The following HSD17B12 variants were observed in gnomAD, a reference collection of about 807,000 sequenced individuals.
HSD17B12 encodes hydroxysteroid 17-beta dehydrogenase 12.
In HSD17B12, 32 loss-of-function variants were observed where a neutral mutation model predicts 39.3. The ratio of observed to expected loss-of-function variants is 0.81; its 90% CI spans 0.61 to 1.09. The LOEUF is 1.09. Ranked by LOEUF, HSD17B12 falls within the 50% of genes least tolerant of loss-of-function variation. The probability of loss-of-function intolerance (pLI) is 0.00; values close to 1 mark genes in which losing one functional copy is unlikely to be tolerated. For missense variants in HSD17B12, 342 were observed against 382.9 expected (o/e 0.89, Z 0.89); for synonymous variants, 150 against 146.7 (o/e 1.02, Z -0.16).
intron 1 of HSD17B12, among the ~76,000 whole-genome samples, chr11:43,716,724 T>C (rs1036589023): frequency 1.4e-5 from 2 of 144,086 alleles, no homozygotes; most frequent in Non-Finnish European, 3.0e-5. Context: ...TATTGTATTA[T>C]ATATTATATA....
At chr11:43,826,055 T>C (rs749052894) in intron 6 of HSD17B12, among the ~76,000 whole-genome samples, 1 of 151,626 alleles carries the variant, frequency 6.6e-6, no homozygotes, top group Non-Finnish European at 1.5e-5. Flanking sequence ...AAACTGTGTA[T>C]GATTGTATAT....
At chr11:43,734,320 G>A (rs1950296696) in intron 1 of HSD17B12, 3 of 1,079,448 alleles carry the variant, frequency 2.8e-6, no homozygotes, top group Non-Finnish European at 4.3e-6. Context: ...AGGTGGCTCA[G>A]CAGGAAGCAG....
the HSD17B12 span, among the ~76,000 whole-genome samples, chr11:43,586,945 T>C: frequency 6.6e-6 from 1 of 152,166 alleles, no homozygotes; most frequent in African/African-American, 2.4e-5. Flanking sequence ...ATAAGATTCA[T>C]TTCTCTGCTT....
At chr11:43,811,493 G>C (rs573650754) in intron 4 of HSD17B12, among the ~76,000 whole-genome samples, 1 of 152,190 alleles carries the variant, frequency 6.6e-6, no homozygotes, top group Admixed American at 6.5e-5. Flanking sequence ...TTTATTGTGT[G>C]TACTTTTATT....
the HSD17B12 span, among the ~76,000 whole-genome samples, chr11:43,647,338 T>G: frequency 0.01 from 1,523 of 152,212 alleles, 16 homozygotes; most frequent in Non-Finnish European, 0.017. Flanking sequence ...TGCAGTGGTG[T>G]GATCATAGCT....
At chr11:43,649,432 T>C in the HSD17B12 span, among the ~76,000 whole-genome samples, 3 of 152,196 alleles carry the variant, frequency 2.0e-5, no homozygotes, top group Non-Finnish European at 4.4e-5. Flanking sequence ...ATTCTTCTAC[T>C]TGAGGTAGAA....
chr11:43,627,069 C>A, the HSD17B12 span, among the ~76,000 whole-genome samples: 3 of 151,932 alleles, frequency 2.0e-5, no homozygotes, highest in Non-Finnish European at 2.9e-5. Context: ...GATAACATAG[C>A]CCTTTTCATT....
chr11:43,626,470 T>G, the HSD17B12 span, among the ~76,000 whole-genome samples: 1 of 151,878 alleles, frequency 6.6e-6, no homozygotes, highest in Non-Finnish European at 1.5e-5. Flanking sequence ...AAAATGCCAA[T>G]AAAAATAATG....
chr11:43,798,409 C>G lies in HSD17B12; in HGVS notation c.373C>G (p.Leu125Val), dbSNP rs759042393. 2 of 1,609,004 alleles carry G rather than the reference C, an allele frequency of 1.2e-6. No homozygotes were observed. Among genetic ancestry groups the G allele is most frequent in the Non-Finnish European group, 1.7e-6 (2 of 1,176,536 alleles). The change falls in exon 4 of 11, where the codon CTT becomes GTT. Residue 125 changes from leucine (L) to valine (V), a missense_variant. Leu to Val is a conservative substitution (Grantham distance 32). Transcript: ENST00000278353. ...YDKIKTGLAG[L>V]EIGILVNNVG... ...TAAAATTAAAACAGGCTTGGCTGGT[C>G]TTGAAATCGGCATCTTAGGTTTGTA...
At chr11:43,596,240 C>T in the HSD17B12 span, among the ~76,000 whole-genome samples, 3 of 152,104 alleles carry the variant, frequency 2.0e-5, no homozygotes, top group South Asian at 6.2e-4. Flanking sequence ...TGAGAGGCAC[C>T]ATCTTGCCTA....
chr11:43,683,420 A>G (rs749353854), intron 1 of HSD17B12, among the ~76,000 whole-genome samples: 18 of 152,134 alleles, frequency 1.2e-4, no homozygotes, highest in Non-Finnish European at 2.2e-4. Flanking sequence ...CTTAAGCAGA[A>G]GAAGTGATCT....
chr11:43,573,729 A>G, the HSD17B12 span, among the ~76,000 whole-genome samples: 2 of 152,240 alleles, frequency 1.3e-5, no homozygotes, highest in Non-Finnish European at 2.9e-5. Flanking sequence ...TAGTTTCAAT[A>G]GTCCAAACAG....
At chr11:43,766,114 C>T (rs967353739) in intron 3 of HSD17B12, among the ~76,000 whole-genome samples, 9 of 152,198 alleles carry the variant, frequency 5.9e-5, no homozygotes, top group East Asian at 1.9e-4. Flanking sequence ...CGTGAGCCAC[C>T]GTGCCCGGCC....
chr11:43,843,208 C>T (rs771508027), intron 9 of HSD17B12, among the ~76,000 whole-genome samples: 2 of 152,222 alleles, frequency 1.3e-5, no homozygotes, highest in South Asian at 2.1e-4. Flanking sequence ...TGTGTGAATA[C>T]ATCAGAATGT....
rs200577545 is a variant in HSD17B12, at chr11:43,831,354, GTA to G, written c.536+346_536+347del. The G allele has an allele frequency of 6.3e-3, 1,027 of 164,138 alleles. 4 individuals carry two copies. Among genetic ancestry groups the G allele is most frequent in the Non-Finnish European group, 0.011 (843 of 76,090 alleles). The allele number at this position is 164,138 out of a possible 1,614,324, so 10.2% of individuals were successfully genotyped here. A position where few individuals can be genotyped will look rare whatever the true frequency, so the allele number is the denominator to read the frequency against. ...TTCCCGGGAATACCTTCTTAAAGCT[GTA>G]TTCTCTCAAAGCCAAAATCAGTGGA... On this transcript the variant is annotated intron_variant, in intron 7 of 10. Transcript: ENST00000278353. This position sits in a 1 kb window ranked among gnomAD's most constrained non-coding sequence, Gnocchi z 4.1.
the HSD17B12 span, among the ~76,000 whole-genome samples, chr11:43,640,699 A>T: frequency 9.7e-4 from 147 of 152,190 alleles, no homozygotes; most frequent in African/African-American, 3.4e-3. Context: ...AAAACTATTG[A>T]GTCATAAATA....
chr11:43,740,384 G>A (rs560058041), intron 1 of HSD17B12, among the ~76,000 whole-genome samples: 4 of 152,082 alleles, frequency 2.6e-5, no homozygotes, highest in Non-Finnish European at 5.9e-5. Context: ...TTTATTGACC[G>A]TTTACGCTTA....
At chr11:43,704,920 A>G (rs899030640) in intron 1 of HSD17B12, among the ~76,000 whole-genome samples, 4 of 152,112 alleles carry the variant, frequency 2.6e-5, no homozygotes, top group African/African-American at 9.7e-5. Flanking sequence ...CAGTTTGCCC[A>G]CTCTGGAAGT....
At chr11:43,627,249 T>A in the HSD17B12 span, among the ~76,000 whole-genome samples, 1 of 151,616 alleles carries the variant, frequency 6.6e-6, no homozygotes. Context: ...TTTTTTTAAA[T>A]GTAACTTGAT....
Sources: allele counts gnomAD v4.1 joint callset (sites outside exome capture counted in the v4.1 genomes callset), GRCh38; gene constraint gnomAD v4.1.1; non-coding constraint Gnocchi (gnomAD v3.1); transcripts MANE v1.5; gene names NCBI Gene and HGNC (gene_info 2026-07-23, HGNC 2026-07-21).